CERT1: variants seen among roughly 807,000 people sequenced by gnomAD.
The protein encoded by CERT1 is ceramide transporter 1.
Under a neutral mutation model 87.9 loss-of-function variants are expected in CERT1, and 31 were observed. That is an observed-to-expected ratio of 0.35 (90% CI 0.27 to 0.48). The LOEUF is 0.48. CERT1 is among the 20% of genes least tolerant of loss of function. The probability of loss-of-function intolerance (pLI) is 0.99; values close to 1 mark genes in which losing one functional copy is unlikely to be tolerated. For synonymous variants in CERT1, 289 were observed against 250.9 expected (o/e 1.15, Z -1.44); for missense variants, 487 against 758.0 (o/e 0.64, Z 4.20).
At chr5:75,504,978 T>C (rs1767585623) in intron 2 of CERT1, among the ~76,000 whole-genome samples, 1 of 152,112 alleles carries the variant, frequency 6.6e-6, no homozygotes, top group African/African-American at 2.4e-5. Context: ...GTTGTTTCTA[T>C]ATACTAAGTT....
rs1055717663 is a variant in CERT1, at chr5:75,436,297, T to G, written c.349-9819A>C. On this transcript the variant is annotated intron_variant, in intron 3 of 16. Transcript: ENST00000643780. ...ATCTGCCCGCCTCGGCCTCCCTAAG[T>G]GCTGGGATTACAGGCGTGAGCCACT... 1.1e-4 allele frequency among the ~76,000 whole-genome samples: 17 copies of G among 152,290 alleles called. No homozygotes were observed. In the East Asian group the frequency reaches 3.1e-3, roughly 28 times the overall value.
In CERT1 at chr5:75,403,029, T is replaced by C. The variant is rs1762560444; in HGVS notation, c.960A>G (p.Glu320=). 1 of 1,613,288 alleles carries C rather than the reference T, an allele frequency of 6.2e-7. No homozygotes were observed. Among genetic ancestry groups the C allele is most frequent in the Admixed American group, 1.7e-5 (1 of 59,992 alleles). ...EEGPNSLINE[E]EFFDAVEAAL... is the part of the protein sequence containing the mutation. Reference sequence around the variant, plus strand: ...CAGCTTCAACAGCATCAAAGAACTCTTCTTCATTAATCAGACTGTTAGGGC... The same window carrying C: ...CAGCTTCAACAGCATCAAAGAACTCCTCTTCATTAATCAGACTGTTAGGGC... The change falls in exon 9 of 17, where the codon GAA becomes GAG. Residue 320 remains glutamate, a synonymous_variant. Coordinates refer to ENST00000643780, the MANE Select transcript of CERT1 (RefSeq NM_001379029.1).
chr5:75,387,061 G>T (rs1761820061), intron 12 of CERT1, among the ~76,000 whole-genome samples: 1 of 151,988 alleles, frequency 6.6e-6, no homozygotes, highest in Non-Finnish European at 1.5e-5. Flanking sequence ...TAGAGACAGG[G>T]TTTCACCATG....
At chr5:75,439,555 C>G (rs1580773173) in intron 3 of CERT1, among the ~76,000 whole-genome samples, 1 of 152,030 alleles carries the variant, frequency 6.6e-6, no homozygotes, top group Admixed American at 6.5e-5. Flanking sequence ...ACTACATTGT[C>G]TCTCTCCATT....
At chr5:75,437,157 GT>G in intron 3 of CERT1, among the ~76,000 whole-genome samples, 1 of 152,070 alleles carries the variant, frequency 6.6e-6, no homozygotes, top group South Asian at 2.1e-4. Flanking sequence ...AACAGAGCAA[GT>G]CAAAACTACT....
At chr5:75,477,535 T>C (rs1721840060) in intron 2 of CERT1, among the ~76,000 whole-genome samples, 1 of 151,302 alleles carries the variant, frequency 6.6e-6, no homozygotes, top group African/African-American at 2.4e-5. Flanking sequence ...TAAAAATTTC[T>C]GGGGTTTTGT....
chr5:75,428,670 T>A (rs1763732639), intron 3 of CERT1, among the ~76,000 whole-genome samples: 2 of 146,418 alleles, frequency 1.4e-5, no homozygotes, highest in East Asian at 2.0e-4. Context: ...AGAGCGAGAC[T>A]CTGTCTCAAA....
chr5:75,400,160 G>C (rs1164953212), intron 10 of CERT1, 45 bp downstream of exon 10: 2 of 1,314,448 alleles, frequency 1.5e-6, no homozygotes, highest in South Asian at 1.2e-5. Context: ...CAACAATGAA[G>C]AACAATACAA....
At chr5:75,462,985 C>T (rs751401003) in intron 2 of CERT1, among the ~76,000 whole-genome samples, 9 of 120,660 alleles carry the variant, frequency 7.5e-5, no homozygotes, top group African/African-American at 1.1e-4. Context: ...AGCAAGACTC[C>T]GTCTCAAAAA....
At chr5:75,429,194 AATAATT>A (rs113890825) in intron 3 of CERT1, among the ~76,000 whole-genome samples, 5 of 146,956 alleles carry the variant, frequency 3.4e-5, no homozygotes, top group Admixed American at 1.4e-4. Flanking sequence ...TAATAATAAT[AATAATT>A]ATTATTATTA....
rs1761567362 is a variant in CERT1, at chr5:75,381,181, A to T, written c.1638T>A (p.Arg546=). Residue 546 remains arginine (R), a synonymous_variant, in exon 16 of 17, where the codon CGT becomes CGA. Coordinates refer to ENST00000643780, the MANE Select transcript of CERT1 (RefSeq NM_001379029.1). ...DSAPLNNRCV[R]AKINVAMICQ... ...AAATCATAGCAACATTTATTTTGGC[A>T]CGGACACATCGGTTGTTTAGCTGCC... 6.2e-7 allele frequency: 1 copy of T among 1,614,182 alleles called. No individual in the cohort carries two copies. Among genetic ancestry groups the T allele is most frequent in the Non-Finnish European group, 8.5e-7 (1 of 1,180,026 alleles).
intron 14 of CERT1, among the ~76,000 whole-genome samples, chr5:75,384,248 A>G: frequency 6.6e-6 from 1 of 152,204 alleles, no homozygotes; most frequent in Admixed American, 6.5e-5. Flanking sequence ...ACTGTGTATA[A>G]AGAAAGCTAA....
intron 3 of CERT1, among the ~76,000 whole-genome samples, chr5:75,446,308 G>A (rs1764532605): frequency 2.0e-5 from 3 of 152,080 alleles, no homozygotes; most frequent in Admixed American, 2.0e-4. Context: ...TTTCATTTCA[G>A]TTACTAGAGT....
At chr5:75,379,647 G>A (rs1479888707) in intron 16 of CERT1, among the ~76,000 whole-genome samples, 174 bp from the exon 17 acceptor site, 1 of 151,904 alleles carries the variant, frequency 6.6e-6, no homozygotes, top group Non-Finnish European at 1.5e-5. Flanking sequence ...GTGCAGTGGC[G>A]CGATCTTGGC....
At chr5:75,417,945 C>G (rs1028698655) in intron 6 of CERT1, among the ~76,000 whole-genome samples, 14 of 152,192 alleles carry the variant, frequency 9.2e-5, no homozygotes, top group African/African-American at 3.4e-4. Context: ...TCACCTGAAG[C>G]TGGGAGTTCG....
chr5:75,376,364 T>G (rs1265504909), downstream of CERT1: 3 of 152,196 alleles, frequency 2.0e-5, no homozygotes, highest in Non-Finnish European at 4.4e-5. Context: ...AGGGAGGCCG[T>G]TTCAGTGAGG....
intron 3 of CERT1, among the ~76,000 whole-genome samples, chr5:75,442,029 G>A (rs1360011161): frequency 6.6e-6 from 1 of 152,068 alleles, no homozygotes; most frequent in Non-Finnish European, 1.5e-5. Context: ...AGGGCACAAG[G>A]GTTCCAATTT....
intron 2 of CERT1, among the ~76,000 whole-genome samples, chr5:75,485,320 A>C (rs998067770): frequency 9.5e-5 from 14 of 147,404 alleles, no homozygotes; most frequent in Admixed American, 2.7e-4. Context: ...TACAAAAAAA[A>C]AAAAAAAAAA....
At chr5:75,424,346 C>T (rs1291235991) in intron 5 of CERT1, among the ~76,000 whole-genome samples, 1 of 152,038 alleles carries the variant, frequency 6.6e-6, no homozygotes, top group Admixed American at 6.5e-5. Context: ...CTTTGGAAGG[C>T]CGAGGCGGGC....
Sources: allele counts gnomAD v4.1 joint callset (sites outside exome capture counted in the v4.1 genomes callset), GRCh38; gene constraint gnomAD v4.1.1; transcripts MANE v1.5; gene names NCBI Gene and HGNC (gene_info 2026-07-23, HGNC 2026-07-21).